Variants in NCK1 observed in about 807,000 individuals in gnomAD.
NCK1 encodes the protein NCK adaptor protein 1, also known as SH2/SH3 adapter protein NCK1.
NCK1 carries 19 observed loss-of-function variants against 36.6 expected under a neutral mutation model. That is an observed-to-expected ratio of 0.52 (90% CI 0.36 to 0.76). NCK1 has a LOEUF of 0.76. Ranked by LOEUF, NCK1 falls within the 30% of genes least tolerant of loss-of-function variation. The probability of loss-of-function intolerance (pLI) is 0.00; values close to 1 mark genes in which losing one functional copy is unlikely to be tolerated. For missense variants in NCK1, 358 were observed against 445.6 expected, an observed-to-expected ratio of 0.80 and a Z score of 1.77; for synonymous variants, 165 against 156.0, an observed-to-expected ratio of 1.06 and a Z score of -0.43.
At chr3:136,862,500 G>C in intron 1 of NCK1, 147 bp downstream of exon 1, 1 of 151,530 alleles carries the variant, frequency 6.6e-6, no homozygotes, top group East Asian at 1.9e-4. Flanking sequence ...GAGCCGAGCC[G>C]GAGGGGGCGC....
intron 1 of NCK1, among the ~76,000 whole-genome samples, chr3:136,891,989 A>G (rs559905443): frequency 5.3e-4 from 80 of 152,330 alleles, no homozygotes; most frequent in African/African-American, 1.8e-3. Context: ...CCTGGGCTCA[A>G]GGGATCCTCC....
intron 1 of NCK1, among the ~76,000 whole-genome samples, chr3:136,879,829 T>C (rs891354006): frequency 2.6e-5 from 4 of 151,296 alleles, no homozygotes; most frequent in South Asian, 2.1e-4. Flanking sequence ...ACATCACACA[T>C]TGGGGCCTGT....
rs576101157 is a variant in NCK1, at chr3:136,947,107, G to T, written c.939+812G>T. 3.9e-5 allele frequency: 6 copies of T among 152,310 alleles called. No homozygotes were observed. In the East Asian group the frequency reaches 1.2e-3, roughly 29 times the overall value. 9.4% of individuals were successfully genotyped at this position (152,310 alleles called of 1,614,324 possible). A position where few individuals can be genotyped will look rare whatever the true frequency, so the allele number is the denominator to read the frequency against. On this transcript the variant is annotated intron_variant, in intron 3 of 3. Coordinates refer to ENST00000481752, the MANE Select transcript of NCK1 (RefSeq NM_001291999.2). ...ATTGCACAAAATTTTGAAAGAAAATGTGTGGAAGTGGGGTGTGGTGGGGAG... is the reference window on the plus strand; with the variant it reads ...ATTGCACAAAATTTTGAAAGAAAATTTGTGGAAGTGGGGTGTGGTGGGGAG...
chr3:136,920,025 TTAAC>T (rs1404348197), intron 1 of NCK1, among the ~76,000 whole-genome samples: 2 of 152,156 alleles, frequency 1.3e-5, no homozygotes, highest in Non-Finnish European at 2.9e-5. Context: ...AAGTCCCCAA[TTAAC>T]TAACTTGGAT....
intron 1 of NCK1, among the ~76,000 whole-genome samples, chr3:136,871,457 G>A (rs567081174): frequency 7.1e-4 from 108 of 152,226 alleles, no homozygotes; most frequent in Non-Finnish European, 1.2e-3. Context: ...ATTGAAAACT[G>A]CACAAATTTA....
intron 1 of NCK1, among the ~76,000 whole-genome samples, chr3:136,907,062 G>C (rs964215130): frequency 2.6e-5 from 4 of 152,144 alleles, no homozygotes; most frequent in Admixed American, 6.5e-5. Flanking sequence ...CTTGTTACCG[G>C]GAAGGGTGGG....
chr3:136,912,162 CT>C (rs57596314), intron 1 of NCK1, among the ~76,000 whole-genome samples: 6,034 of 127,746 alleles, frequency 0.047, 96 homozygotes, highest in East Asian at 0.089. Flanking sequence ...ATTATTTTTT[CT>C]TTTTTTTTTT....
In NCK1 at chr3:136,946,192, G is replaced by T. The variant is rs1157570636; in HGVS notation, c.836G>T (p.Gly279Val). ...IRPSLTGKFA[G>V]NPWYYGKVTR... ...CCTTCACTCACTGGAAAGTTTGCTG[G>T]CAATCCTTGGTATTATGGCAAAGTC... Residue 279 changes from glycine to valine, a missense_variant, in exon 3 of 4, where the codon GGC becomes GTC. Gly to Val is a moderately radical substitution (Grantham distance 109). Coordinates refer to ENST00000481752, the MANE Select transcript of NCK1 (RefSeq NM_001291999.2). The T allele has an allele frequency of 1.2e-6, 2 of 1,613,484 alleles. No individual in the cohort carries two copies. Among genetic ancestry groups the T allele is most frequent in the Non-Finnish European group, 8.5e-7 (1 of 1,179,914 alleles).
chr3:136,879,868 G>A (rs995627537), intron 1 of NCK1, among the ~76,000 whole-genome samples: 4 of 151,944 alleles, frequency 2.6e-5, no homozygotes, highest in African/African-American at 9.7e-5. Context: ...GGGAGGGATA[G>A]CATTAGGAGA....
intron 2 of NCK1, among the ~76,000 whole-genome samples, chr3:136,942,876 A>T (rs1221373773): frequency 3.3e-5 from 5 of 152,030 alleles, no homozygotes; most frequent in African/African-American, 1.2e-4. Context: ...CCTGGGAATG[A>T]TTCAAGTCAG....
intron 1 of NCK1, among the ~76,000 whole-genome samples, chr3:136,892,248 A>G (rs752483937): frequency 6.6e-6 from 1 of 152,106 alleles, no homozygotes; most frequent in Non-Finnish European, 1.5e-5. Flanking sequence ...TATATTCTGA[A>G]TATCAGTGTC....
intron 1 of NCK1, chr3:136,899,615 T>C: frequency 1.5e-6 from 1 of 664,358 alleles, no homozygotes; most frequent in East Asian, 3.0e-5. Flanking sequence ...CTTTAGATGC[T>C]GCTTTTCTTT....
chr3:136,897,282 G>A (rs952335185), intron 1 of NCK1, among the ~76,000 whole-genome samples: 1 of 152,032 alleles, frequency 6.6e-6, no homozygotes, highest in South Asian at 2.1e-4. Context: ...TAGAGATGGG[G>A]TTTTGCAAAG....
At chr3:136,904,692 C>G (rs752527271) in intron 1 of NCK1, among the ~76,000 whole-genome samples, 1 of 152,134 alleles carries the variant, frequency 6.6e-6, no homozygotes, top group Non-Finnish European at 1.5e-5. Context: ...ATGTGTAAAT[C>G]TGTTGCTAGA....
intron 2 of NCK1, among the ~76,000 whole-genome samples, chr3:136,940,164 A>G (rs943401613): frequency 8.5e-5 from 13 of 152,118 alleles, no homozygotes; most frequent in South Asian, 4.1e-4. Context: ...TGCCTGGCCT[A>G]TTGAGCCTTG....
intron 1 of NCK1, among the ~76,000 whole-genome samples, chr3:136,897,748 G>C (rs1436610788): frequency 6.6e-6 from 1 of 152,022 alleles, no homozygotes; most frequent in Admixed American, 6.6e-5. Context: ...CGTTAACATA[G>C]ATGTTCCCAT....
intron 2 of NCK1, among the ~76,000 whole-genome samples, chr3:136,940,839 C>T (rs1275780388): frequency 2.6e-5 from 4 of 152,100 alleles, no homozygotes; most frequent in African/African-American, 2.4e-5. Flanking sequence ...GACACCGCGC[C>T]GGGCCTATGC....
chr3:136,933,928 G>A (rs1456418929), intron 2 of NCK1, among the ~76,000 whole-genome samples: 2 of 151,880 alleles, frequency 1.3e-5, no homozygotes, highest in Non-Finnish European at 2.9e-5. Flanking sequence ...GGCATGTCTC[G>A]AACTCCTGGC....
intron 1 of NCK1, among the ~76,000 whole-genome samples, chr3:136,916,858 C>T (rs1457178158): frequency 2.0e-5 from 3 of 152,092 alleles, no homozygotes; most frequent in African/African-American, 7.2e-5. Context: ...AATGGAGTTT[C>T]TGGGAGGTTG....
Sources: gnomAD v4.1 joint callset for allele counts (sites outside exome capture counted in the v4.1 genomes callset) on GRCh38, gnomAD v4.1.1 for gene constraint, MANE v1.5 for transcripts, NCBI Gene and HGNC (gene_info 2026-07-23, HGNC 2026-07-21) for gene names.